LRRC27: variants seen among roughly 807,000 people sequenced by gnomAD.
LRRC27 encodes leucine-rich repeat-containing protein 27.
In LRRC27, 57 loss-of-function variants were observed where a neutral mutation model predicts 55.0. The ratio of observed to expected loss-of-function variants is 1.04; its 90% CI spans 0.84 to 1.29. The LOEUF (loss-of-function observed/expected upper bound fraction) is 1.29. LRRC27 is among the 50% of genes most tolerant of loss of function. The pLI is 0.00. For synonymous variants in LRRC27, 278 were observed against 251.9 expected, an observed-to-expected ratio of 1.10 and a Z score of -0.98; for missense variants, 721 against 651.5, an observed-to-expected ratio of 1.11 and a Z score of -1.16.
At chr10:132,331,476 C>A, upstream of LRRC27, 1 of 1,612,826 alleles carries the variant, frequency 6.2e-7, no homozygotes, top group Non-Finnish European at 8.5e-7. Flanking sequence ...CCAGAGGCAG[C>A]CTTACTTCTC....
chr10:132,364,479 ACC>A (rs1564853613), intron 9 of LRRC27, among the ~76,000 whole-genome samples: 147 of 112,390 alleles, frequency 1.3e-3, no homozygotes, highest in Middle Eastern at 4.8e-3. Context: ...ACTTACACCC[ACC>A]CACACTTACA....
intron 8 of LRRC27, among the ~76,000 whole-genome samples, chr10:132,359,154 C>CGTGGGAAGGAGCCGAGGTGATGG (rs1564847113): frequency 3.4e-5 from 3 of 87,994 alleles, no homozygotes; most frequent in Non-Finnish European, 8.4e-5. Context: ...GGTGGTGGAG[C>CGTGGGAAGGAGCCGAGGTGATGG]AGCGTGGGGA....
chr10:132,342,149 A>G, intron 3 of LRRC27, 64 bp from the exon 4 acceptor site: 2 of 999,836 alleles, frequency 2.0e-6, no homozygotes, highest in South Asian at 1.5e-5. Flanking sequence ...ACTTGATGGT[A>G]TATTTTGGAG....
At chr10:132,337,354 A>G in intron 2 of LRRC27, 1 of 1,351,420 alleles carries the variant, frequency 7.4e-7, no homozygotes. Flanking sequence ...CCGGCTCCAA[A>G]GGCCGCCGGA....
intron 1 of LRRC27, chr10:132,332,506 C>T (rs555321874): frequency 6.6e-6 from 1 of 152,360 alleles, no homozygotes; most frequent in Non-Finnish European, 1.5e-5. Context: ...GCCTCGGAAA[C>T]CCCACGGAGC....
chr10:132,360,244 C>T (rs1013133234), intron 8 of LRRC27, among the ~76,000 whole-genome samples: 5 of 152,106 alleles, frequency 3.3e-5, no homozygotes, highest in Non-Finnish European at 7.4e-5. Flanking sequence ...TACAGGCATG[C>T]GCCACCACAC....
At position 132,375,095 on chromosome 10, in the gene LRRC27, G is replaced by A; in HGVS notation, c.1446G>A (p.Lys482=). 3 of 1,613,838 alleles carry A rather than the reference G, an allele frequency of 1.9e-6. No individual in the cohort carries two copies. Among genetic ancestry groups the A allele is most frequent in the Non-Finnish European group, 2.5e-6 (3 of 1,179,900 alleles). The change falls in exon 11 of 11, where the codon AAG becomes AAA. Residue 482 remains lysine, a synonymous_variant. Coordinates refer to ENST00000368614, the MANE Select transcript of LRRC27 (RefSeq NM_030626.3). ...CAGAGCTACAGGATGAAGTATTGAA[G>A]CTAAAATTGGGATTAACCTTGAACA... The part of the protein sequence containing the change: ...IATELQDEVL[K]LKLGLTLNKD...
At chr10:132,339,435 A>G (rs2067292575) in intron 3 of LRRC27, among the ~76,000 whole-genome samples, 1 of 152,302 alleles carries the variant, frequency 6.6e-6, no homozygotes, top group African/African-American at 2.4e-5. Flanking sequence ...AGGTGGAAAC[A>G]CACCCGGTGC....
intron 3 of LRRC27, among the ~76,000 whole-genome samples, chr10:132,338,713 T>TA (rs1371425717): frequency 6.7e-6 from 1 of 148,870 alleles, no homozygotes; most frequent in African/African-American, 2.5e-5. Context: ...TTTCTTTCTT[T>TA]TTTTTTTTTT....
intron 7 of LRRC27, 55 bp downstream of exon 7, chr10:132,351,808 G>T (rs1338672235): frequency 1.1e-5 from 17 of 1,544,090 alleles, no homozygotes; most frequent in Non-Finnish European, 1.5e-5. Flanking sequence ...CCCGGAACTG[G>T]GACTGGGCTG....
At chr10:132,334,756 A>G (rs2067034201) in intron 2 of LRRC27, among the ~76,000 whole-genome samples, 1 of 152,144 alleles carries the variant, frequency 6.6e-6, no homozygotes, top group Non-Finnish European at 1.5e-5. Context: ...TAATGAACAG[A>G]TATCCTCAGC....
intron 7 of LRRC27, among the ~76,000 whole-genome samples, chr10:132,354,211 T>A (rs1664494656): frequency 6.6e-6 from 1 of 152,102 alleles, no homozygotes; most frequent in Non-Finnish European, 1.5e-5. Flanking sequence ...GGAAGAGAAG[T>A]TCTTGGATAC....
Position 132,380,966 on chromosome 10 carries a change from T to C in LRRC27, c.*5724T>C, listed in dbSNP as rs528224249. Among the ~76,000 whole-genome samples the C allele has an allele frequency of 6.6e-6, 1 of 152,380 alleles. No homozygotes were observed. The highest frequency in any genetic ancestry group is 1.9e-4 in the East Asian group (1 of 5,190). ...TTAACACTTTCTGTGAAATACCTTT[T>C]TATCTTGTATTGGGAATGCAGCTTT... is the stretch of plus-strand genomic sequence containing the variant. On this transcript the variant is annotated 3_prime_UTR_variant, in exon 11 of 11. Transcript: ENST00000368614.
At chr10:132,353,385 C>G in intron 7 of LRRC27, 2 of 1,049,334 alleles carry the variant, frequency 1.9e-6, no homozygotes, top group Non-Finnish European at 2.3e-6. Context: ...TGAATAAACC[C>G]TCCTGAAGCC....
intron 3 of LRRC27, among the ~76,000 whole-genome samples, chr10:132,339,541 G>A (rs943349175): frequency 6.6e-6 from 1 of 152,198 alleles, no homozygotes; most frequent in Non-Finnish European, 1.5e-5. Context: ...TGGTACATCT[G>A]CCGAGCCCGG....
chr10:132,353,461 T>A, intron 7 of LRRC27: 1 of 970,720 alleles, frequency 1.0e-6, no homozygotes, highest in Non-Finnish European at 1.2e-6. Context: ...AGCACACAGA[T>A]TCTGTGATTG....
chr10:132,352,962 T>TGCCGCCAGTGCC (rs2068130880), intron 7 of LRRC27: 1 of 1,613,758 alleles, frequency 6.2e-7, no homozygotes, highest in Non-Finnish European at 8.5e-7. Flanking sequence ...TTGCTGTGAC[T>TGCCGCCAGTGCC]GCCGCCAGTG....
intron 8 of LRRC27, 79 bp from the exon 9 acceptor site, chr10:132,361,378 T>G: frequency 8.1e-7 from 1 of 1,228,554 alleles, no homozygotes; most frequent in Non-Finnish European, 1.2e-6. Flanking sequence ...GGAGCTAGTC[T>G]AACACACCTT....
chr10:132,348,122 T>C lies in LRRC27; in HGVS notation c.692T>C (p.Phe231Ser). Residue 231 changes from phenylalanine (F) to serine (S), a missense_variant, in exon 6 of 11, where the codon TTT (phenylalanine) becomes TCT (serine). Transcript: ENST00000368614. This position sits in a 1 kb window ranked among gnomAD's most constrained non-coding sequence, Gnocchi z 4.2. ...GCTGTGATGAAAGAGAAGGCCAGCT[T>C]TCTCCCACCTGTGGAAAAGCCAGAC... ...EGAVMKEKAS[F>S]LPPVEKPDLS... The C allele has an allele frequency of 1.2e-6, 2 of 1,614,052 alleles. No individual in the cohort carries two copies. Among genetic ancestry groups the C allele is most frequent in the Non-Finnish European group, 1.7e-6 (2 of 1,180,024 alleles).
Sources: allele counts gnomAD v4.1 joint callset (sites outside exome capture counted in the v4.1 genomes callset), GRCh38; gene constraint gnomAD v4.1.1; non-coding constraint Gnocchi (gnomAD v3.1); transcripts MANE v1.5; gene names NCBI Gene and HGNC (gene_info 2026-07-23, HGNC 2026-07-21).